SS18L1: variants seen among roughly 807,000 people sequenced by gnomAD.
SS18L1 encodes the protein SS18L1 subunit of BAF chromatin remodeling complex.
SS18L1 carries 32 observed loss-of-function variants against 70.3 expected under a neutral mutation model. The ratio of observed to expected loss-of-function variants is 0.46; its 90% CI spans 0.34 to 0.61. The LOEUF (loss-of-function observed/expected upper bound fraction) is 0.61. Among genes scored for constraint, SS18L1 ranks in the 20% least tolerant of loss-of-function variants. SS18L1 has a pLI of 0.01. For synonymous variants in SS18L1, 237 were observed against 229.7 expected (o/e 1.03, Z -0.29); for missense variants, 430 against 542.1 (o/e 0.79, Z 2.05).
At chr20:62,172,585 T>G (rs2057550842) in intron 8 of SS18L1, 97 bp from the exon 9 acceptor site, 1 of 1,581,910 alleles carries the variant, frequency 6.3e-7, no homozygotes, top group South Asian at 1.1e-5. Flanking sequence ...GGATTTGGTT[T>G]TGGGATTCCA....
At chr20:62,153,721 T>C (rs2057174685) in intron 1 of SS18L1, among the ~76,000 whole-genome samples, 1 of 152,190 alleles carries the variant, frequency 6.6e-6, no homozygotes, top group Non-Finnish European at 1.5e-5. Flanking sequence ...TGCTCAGGTA[T>C]TCTTCCGGGT....
chr20:62,166,701 G>T (rs957987826), intron 8 of SS18L1, among the ~76,000 whole-genome samples: 3 of 151,690 alleles, frequency 2.0e-5, no homozygotes, highest in African/African-American at 7.3e-5. Context: ...GAGGTGGGTG[G>T]ATCACCTGAG....
At chr20:62,163,745 G>A in intron 6 of SS18L1, 123 bp downstream of exon 6, 3 of 1,332,988 alleles carry the variant, frequency 2.3e-6, no homozygotes, top group Non-Finnish European at 3.0e-6. Flanking sequence ...GGGGAGTGAG[G>A]CTTGGCGCCT....
chr20:62,155,062 C>T (rs1209861670), intron 1 of SS18L1, among the ~76,000 whole-genome samples: 3 of 152,118 alleles, frequency 2.0e-5, no homozygotes, highest in South Asian at 2.1e-4. Context: ...ATCACTGCAC[C>T]GGCTGACTTT....
intron 1 of SS18L1, among the ~76,000 whole-genome samples, chr20:62,145,998 G>T (rs150000127): frequency 6.7e-6 from 1 of 148,612 alleles, no homozygotes; most frequent in African/African-American, 2.6e-5. Flanking sequence ...AGCATTCTGC[G>T]TGGTAGCGAA....
intron 1 of SS18L1, among the ~76,000 whole-genome samples, chr20:62,155,692 C>G (rs546383699): frequency 1.3e-4 from 20 of 152,210 alleles, no homozygotes; most frequent in Non-Finnish European, 2.6e-4. Context: ...CATCTCCTGC[C>G]AGCAGATCCT....
rs932013253 is a variant in SS18L1 at position 62,154,360 on chromosome 20, G to A, written c.70-4312G>A. The A allele has an allele frequency of 4.8e-6, 5 of 1,050,644 alleles. No individual in the cohort carries two copies. The Admixed American group carries it at 2.2e-4, about 46-fold the overall frequency. The allele number at this position is 1,050,644 out of a possible 1,614,324, so 65.1% of individuals were successfully genotyped here. On this transcript the variant is annotated intron_variant, in intron 1 of 10. Coordinates refer to ENST00000331758, the MANE Select transcript of SS18L1 (RefSeq NM_198935.3). ...GTTTTCCTAACTTGCGGGTCTGAAAGTGCGTCCATTCCCCCTTCACGCCTG... is the reference window on the plus strand; with the variant it reads ...GTTTTCCTAACTTGCGGGTCTGAAAATGCGTCCATTCCCCCTTCACGCCTG...
intron 6 of SS18L1, 58 bp downstream of exon 6, chr20:62,163,680 C>A: frequency 6.8e-7 from 1 of 1,474,600 alleles, no homozygotes; most frequent in Non-Finnish European, 9.0e-7. Context: ...TCGTGAAGTG[C>A]CAGGCTGTGT....
chr20:62,164,073 C>T, intron 6 of SS18L1, 72 bp from the exon 7 acceptor site: 1 of 1,417,310 alleles, frequency 7.1e-7, no homozygotes, highest in South Asian at 1.3e-5. Context: ...CTTGGCTTCC[C>T]CAGTGAGCGA....
chr20:62,181,615 AAT>A lies in SS18L1; in HGVS notation c.*2409_*2410del, dbSNP rs2057710917. The A allele has an allele frequency of 4.7e-6, 1 of 212,036 alleles. No individual in the cohort carries two copies. The highest frequency in any genetic ancestry group is 2.3e-5 in the African/African-American group (1 of 44,134). 13.1% of individuals were successfully genotyped at this position (212,036 alleles called of 1,614,324 possible). A position where few individuals can be genotyped will look rare whatever the true frequency, so the allele number is the denominator to read the frequency against. ...ATATATTTTAAAAAGCACTTTGCAA[AAT>A]AGTTTGTACATTTATTTCCTAATTT... On this transcript the variant is annotated 3_prime_UTR_variant, in exon 11 of 11. Transcript: ENST00000331758.
rs1601018952 is a variant in SS18L1 at position 62,161,356 on chromosome 20, C to G, written c.232-80C>G. The G allele has an allele frequency of 1.2e-6, 2 of 1,606,592 alleles. No homozygotes were observed. Among genetic ancestry groups the G allele is most frequent in the African/African-American group, 1.3e-5 (1 of 74,800 alleles). ...TGTGTGGCGGCAAATCTCGGGTGCC[C>G]TCTCATCCCTGGCCTGGCTTGTGGA... On this transcript the variant is annotated intron_variant, in intron 3 of 10. Transcript: ENST00000331758. The surrounding 1 kb of genome is among the most constrained non-coding windows in gnomAD (Gnocchi z 4.4).
rs1568771816 is a variant in SS18L1 at position 62,179,299 on chromosome 20, T to C, written c.*91T>C. The C allele has an allele frequency of 7.5e-6, 11 of 1,469,022 alleles. No individual in the cohort carries two copies. Among genetic ancestry groups the C allele is most frequent in the Non-Finnish European group, 9.5e-6 (10 of 1,050,170 alleles). 91.0% of individuals were successfully genotyped at this position (1,469,022 alleles called of 1,614,324 possible). A position where few individuals can be genotyped will look rare whatever the true frequency, so the allele number is the denominator to read the frequency against. On this transcript the variant is annotated 3_prime_UTR_variant, in exon 11 of 11. Coordinates refer to ENST00000331758, the MANE Select transcript of SS18L1 (RefSeq NM_198935.3). ...GCAGCTCTGGTGAATTGTGACATGT[T>C]GGTTACCTGTTCGCCCAGTGCCACG...
At chr20:62,151,397 C>G (rs1439261176) in intron 1 of SS18L1, among the ~76,000 whole-genome samples, 1 of 152,242 alleles carries the variant, frequency 6.6e-6, no homozygotes, top group Non-Finnish European at 1.5e-5. Context: ...GGTCCATTGC[C>G]ATGGCCGTGG....
chr20:62,144,512 C>T (rs1217296029), intron 1 of SS18L1, among the ~76,000 whole-genome samples: 1 of 152,234 alleles, frequency 6.6e-6, no homozygotes, highest in Non-Finnish European at 1.5e-5. Flanking sequence ...GTTACGCAGC[C>T]CGGCCCCGTA....
At chr20:62,177,130 CAT>C (rs1333979124) in intron 10 of SS18L1, among the ~76,000 whole-genome samples, 1 of 152,160 alleles carries the variant, frequency 6.6e-6, no homozygotes, top group Non-Finnish European at 1.5e-5. Context: ...TACACTTAAA[CAT>C]GTGCTGAGGC....
At chr20:62,171,753 T>G (rs570368962) in intron 8 of SS18L1, among the ~76,000 whole-genome samples, 1 of 152,352 alleles carries the variant, frequency 6.6e-6, no homozygotes, top group South Asian at 2.1e-4. Context: ...GCATGGTGGC[T>G]TACGCCTGTA....
rs996399925 is a variant in SS18L1 at position 62,158,226 on chromosome 20, T to C, written c.70-446T>C. 6.6e-6 allele frequency among the ~76,000 whole-genome samples: 1 copy of C among 152,026 alleles called. No individual in the cohort carries two copies. Among genetic ancestry groups the C allele is most frequent in the Non-Finnish European group, 1.5e-5 (1 of 68,000 alleles). ...GAGGGTCCTTCGGGCTGGGGGCTGC[T>C]GGGGGCACGGGGCCTCTGTGTTTTC... On this transcript the variant is annotated intron_variant, in intron 1 of 10. Transcript: ENST00000331758. This position sits in a 1 kb window ranked among gnomAD's most constrained non-coding sequence, Gnocchi z 4.5.
At chr20:62,146,348 G>A in intron 1 of SS18L1, among the ~76,000 whole-genome samples, 1 of 152,214 alleles carries the variant, frequency 6.6e-6, no homozygotes, top group Non-Finnish European at 1.5e-5. Flanking sequence ...GCACGTGCTG[G>A]ATCATCTGTG....
In SS18L1 at chr20:62,161,354, C is replaced by T. The variant is rs2057326169; in HGVS notation, c.232-82C>T. 1.2e-6 allele frequency: 2 copies of T among 1,600,154 alleles called. No homozygotes were observed. Among genetic ancestry groups the T allele is most frequent in the Non-Finnish European group, 1.7e-6 (2 of 1,169,910 alleles). ...GATGTGTGGCGGCAAATCTCGGGTG[C>T]CCTCTCATCCCTGGCCTGGCTTGTG... On this transcript the variant is annotated intron_variant, in intron 3 of 10. Transcript: ENST00000331758. This position sits in a 1 kb window ranked among gnomAD's most constrained non-coding sequence, Gnocchi z 4.4.
Sources: allele counts gnomAD v4.1 joint callset (sites outside exome capture counted in the v4.1 genomes callset), GRCh38; gene constraint gnomAD v4.1.1; non-coding constraint Gnocchi (gnomAD v3.1); transcripts MANE v1.5; gene names NCBI Gene and HGNC (gene_info 2026-07-23, HGNC 2026-07-21).